EPB41L3: variants seen among roughly 807,000 people sequenced by gnomAD.
EPB41L3 encodes erythrocyte membrane protein band 4.1 like 3.
Under a neutral mutation model 127.1 loss-of-function variants are expected in EPB41L3, and 57 were observed. The ratio of observed to expected loss-of-function variants is 0.45; its 90% CI spans 0.36 to 0.56. EPB41L3 has a LOEUF of 0.56. Ranked by LOEUF, EPB41L3 falls within the 20% of genes least tolerant of loss-of-function variation. The pLI is 0.00. For missense variants in EPB41L3, 1,273 were observed against 1,372.2 expected, an observed-to-expected ratio of 0.93 and a Z score of 1.14; for synonymous variants, 572 against 549.5, an observed-to-expected ratio of 1.04 and a Z score of -0.57.
At chr18:5,478,082 T>C (rs541112712) in intron 3 of EPB41L3, among the ~76,000 whole-genome samples, 159 bp downstream of exon 3, 213 of 152,294 alleles carry the variant, frequency 1.4e-3, no homozygotes, top group African/African-American at 4.7e-3. Flanking sequence ...TTTAATCTGA[T>C]CCCCTGTTAC....
rs573747635 is a variant in EPB41L3, at chr18:5,450,240, T to A, written c.382-4996A>T. On this transcript the variant is annotated intron_variant, in intron 3 of 22. Coordinates refer to ENST00000341928, the MANE Select transcript of EPB41L3 (RefSeq NM_012307.5). ...TGTGGGGGACAGTGAAACAGTCCGT[T>A]ATCTGTATGATCATGAAATGGTGAA... is the stretch of plus-strand genomic sequence containing the variant. 2.3e-4 allele frequency among the ~76,000 whole-genome samples: 35 copies of A among 152,270 alleles called. No homozygotes were observed. The South Asian group carries it at 7.3e-3, about 32-fold the overall frequency.
At chr18:5,436,633 C>A (rs1032231820) in intron 6 of EPB41L3, among the ~76,000 whole-genome samples, 1 of 152,010 alleles carries the variant, frequency 6.6e-6, no homozygotes, top group Non-Finnish European at 1.5e-5. Context: ...TGGTCTTGAT[C>A]TCCTGACCTC....
intron 5 of EPB41L3, among the ~76,000 whole-genome samples, chr18:5,441,462 A>ATTTTT (rs201943060): frequency 3.6e-5 from 5 of 139,722 alleles, no homozygotes; most frequent in African/African-American, 1.4e-4. Context: ...TCGAATTCCA[A>ATTTTT]TTTTTTTTTT....
chr18:5,509,379 G>C (rs1218799732), intron 1 of EPB41L3, among the ~76,000 whole-genome samples: 1 of 152,230 alleles, frequency 6.6e-6, no homozygotes, highest in Non-Finnish European at 1.5e-5. Flanking sequence ...AGAGGTGTCA[G>C]CGGCTGCCTA....
At chr18:5,535,884 G>A (rs2093557708) in intron 1 of EPB41L3, among the ~76,000 whole-genome samples, 1 of 152,182 alleles carries the variant, frequency 6.6e-6, no homozygotes, top group African/African-American at 2.4e-5. Context: ...GAAGGGTTGG[G>A]AACTCAGAGA....
At chr18:5,403,959 C>A (rs2074948935) in intron 16 of EPB41L3, among the ~76,000 whole-genome samples, 1 of 152,086 alleles carries the variant, frequency 6.6e-6, no homozygotes, top group Non-Finnish European at 1.5e-5. Context: ...GCTTTTCACA[C>A]ACAAAAATAA....
upstream of EPB41L3, chr18:5,544,069 C>G (rs1324320967): frequency 1.5e-5 from 15 of 985,390 alleles, no homozygotes; most frequent in Middle Eastern, 5.2e-4. Context: ...CAGGAGACAC[C>G]GAGGCTCCGC....
chr18:5,487,495 A>ATT (rs1353319562), intron 2 of EPB41L3, among the ~76,000 whole-genome samples: 5 of 145,212 alleles, frequency 3.4e-5, no homozygotes, highest in Admixed American at 6.9e-5. Context: ...TTTACCTCAA[A>ATT]TTTTTTTTTT....
At chr18:5,570,866 T>A (rs1169933206) in intron 3 of EPB41L3, 1 of 152,226 alleles carries the variant, frequency 6.6e-6, no homozygotes, top group African/African-American at 2.4e-5. Context: ...CAGACTAAAG[T>A]CATTATGGAA....
At chr18:5,505,277 T>C (rs1486107562) in intron 1 of EPB41L3, among the ~76,000 whole-genome samples, 2 of 152,030 alleles carry the variant, frequency 1.3e-5, no homozygotes, top group African/African-American at 4.8e-5. Context: ...CCTCCCAGAG[T>C]CTGACGCCAA....
intron 3 of EPB41L3, among the ~76,000 whole-genome samples, chr18:5,468,610 C>T (rs913685501): frequency 1.3e-5 from 2 of 152,232 alleles, no homozygotes; most frequent in African/African-American, 2.4e-5. Context: ...GAGCTACCCA[C>T]TCCAGGACTG....
chr18:5,471,409 T>C (rs975291821), intron 3 of EPB41L3, among the ~76,000 whole-genome samples: 5 of 152,172 alleles, frequency 3.3e-5, no homozygotes, highest in African/African-American at 9.7e-5. Flanking sequence ...TCGGGAATCA[T>C]GCTAGGGAAG....
At chr18:5,540,615 G>C (rs1055499992) in intron 1 of EPB41L3, 1 of 931,406 alleles carries the variant, frequency 1.1e-6, no homozygotes, top group Non-Finnish European at 1.3e-6. Context: ...CAGCTAGCTA[G>C]CCGTTTGAAA....
At position 5,442,372 on chromosome 18, in the gene EPB41L3, C is replaced by T. The variant is rs372548878; in HGVS notation, c.529+1466G>A. Among the ~76,000 whole-genome samples the T allele has an allele frequency of 2.2e-4, 33 of 152,192 alleles. No individual in the cohort carries two copies. In the South Asian group the frequency reaches 3.9e-3, roughly 18 times the overall value. On this transcript the variant is annotated intron_variant, in intron 5 of 22. Coordinates refer to ENST00000341928, the MANE Select transcript of EPB41L3 (RefSeq NM_012307.5). ...ATACATCAAATTTCCCTCAAACATA[C>T]GGTAAAGATGTCTTAATTGTATAAA...
intron 1 of EPB41L3, among the ~76,000 whole-genome samples, chr18:5,511,237 G>C (rs918517534): frequency 6.6e-6 from 1 of 151,702 alleles, no homozygotes; most frequent in Non-Finnish European, 1.5e-5. Flanking sequence ...TTCCAGCACC[G>C]AGACAGGAGG....
chr18:5,544,068 C>G, upstream of EPB41L3: 1 of 985,514 alleles, frequency 1.0e-6, no homozygotes, highest in Non-Finnish European at 1.2e-6. Context: ...GCAGGAGACA[C>G]CGAGGCTCCG....
intron 3 of EPB41L3, among the ~76,000 whole-genome samples, chr18:5,582,623 G>T (rs1434619116): frequency 6.6e-6 from 1 of 152,168 alleles, no homozygotes; most frequent in Non-Finnish European, 1.5e-5. Context: ...TTAACACAGA[G>T]AACATGAGTG....
intron 3 of EPB41L3, among the ~76,000 whole-genome samples, chr18:5,588,584 C>T (rs1278230814): frequency 6.6e-6 from 1 of 151,500 alleles, no homozygotes; most frequent in Non-Finnish European, 1.5e-5. Context: ...AGAAACAGTA[C>T]ATCCATCCAT....
chr18:5,471,798 C>G (rs1443508602), intron 3 of EPB41L3, among the ~76,000 whole-genome samples: 2 of 152,136 alleles, frequency 1.3e-5, no homozygotes, highest in African/African-American at 4.8e-5. Flanking sequence ...AAAGGCAAAC[C>G]TAGGGCTTCA....
Sources: allele counts gnomAD v4.1 joint callset (sites outside exome capture counted in the v4.1 genomes callset), GRCh38; gene constraint gnomAD v4.1.1; transcripts MANE v1.5; gene names NCBI Gene and HGNC (gene_info 2026-07-23, HGNC 2026-07-21).